Variants in DTNB observed in about 807,000 individuals in gnomAD.
The protein encoded by DTNB is dystrobrevin beta.
DTNB carries 63 observed loss-of-function variants against 90.7 expected under a neutral mutation model. That is an observed-to-expected ratio of 0.69 (90% CI 0.57 to 0.86). DTNB has a LOEUF of 0.86. Among genes scored for constraint, DTNB ranks in the 40% least tolerant of loss-of-function variants. The pLI is 0.00. For synonymous variants in DTNB, 277 were observed against 286.7 expected (o/e 0.97, Z 0.34); for missense variants, 744 against 807.1 (o/e 0.92, Z 0.95).
intron 13 of DTNB, among the ~76,000 whole-genome samples, chr2:25,433,599 A>G (rs1023607638): frequency 3.3e-5 from 5 of 151,940 alleles, no homozygotes; most frequent in African/African-American, 1.2e-4. Context: ...TAGATACAGC[A>G]AAATGTTGCT....
intron 6 of DTNB, among the ~76,000 whole-genome samples, chr2:25,581,092 T>C (rs1211479601): frequency 1.3e-5 from 2 of 151,966 alleles, no homozygotes; most frequent in Non-Finnish European, 2.9e-5. Context: ...CTATATTCAC[T>C]TTACAGATAA....
chr2:25,489,081 A>G (rs967690914), intron 9 of DTNB, among the ~76,000 whole-genome samples: 1 of 152,364 alleles, frequency 6.6e-6, no homozygotes, highest in Non-Finnish European at 1.5e-5. Flanking sequence ...CCTATTACAA[A>G]GCACAAATTG....
chr2:25,429,183 T>G (rs2149912957), intron 14 of DTNB, among the ~76,000 whole-genome samples: 1 of 152,354 alleles, frequency 6.6e-6, no homozygotes, highest in Admixed American at 6.5e-5. Context: ...ATCTGGATCA[T>G]GTTTTAATAC....
At chr2:25,413,420 C>T (rs1341543903) in intron 16 of DTNB, among the ~76,000 whole-genome samples, 1 of 133,702 alleles carries the variant, frequency 7.5e-6, no homozygotes, top group Non-Finnish European at 1.6e-5. Flanking sequence ...CCCCCCTCCC[C>T]CCACCCCACG....
At chr2:25,458,821 A>G (rs985258578) in intron 10 of DTNB, among the ~76,000 whole-genome samples, 2 of 151,912 alleles carry the variant, frequency 1.3e-5, no homozygotes, top group Non-Finnish European at 2.9e-5. Context: ...ACTTTTTTGT[A>G]TTTTTAGTAG....
intron 5 of DTNB, chr2:25,598,743 G>C (rs934312829): frequency 6.6e-6 from 1 of 152,100 alleles, no homozygotes; most frequent in East Asian, 1.9e-4. Flanking sequence ...GGGACTGGGG[G>C]GCACTAAAGA....
intron 8 of DTNB, among the ~76,000 whole-genome samples, chr2:25,553,986 G>A (rs1216839943): frequency 6.6e-6 from 1 of 152,046 alleles, no homozygotes; most frequent in East Asian, 1.9e-4. Flanking sequence ...TTCAACATCA[G>A]TAGACTGACA....
At chr2:25,644,041 C>A (rs2078919349) in intron 2 of DTNB, among the ~76,000 whole-genome samples, 1 of 152,166 alleles carries the variant, frequency 6.6e-6, no homozygotes, top group South Asian at 2.1e-4. Context: ...GCCATGACAA[C>A]ATCAGGAAGT....
Position 25,576,987 on chromosome 2 carries a change from A to G in DTNB, c.727T>C (p.Cys243Arg). ...HVENVFHPVE[C>R]SYCRCESMMG... ...ATACTCTCACATCGGCAGTAGGAGC[A>G]CTCCACGGGATGGAAGACTTGTGGA... Residue 243 changes from cysteine (C) to arginine (R), a missense_variant, in exon 8 of 21, where the codon TGC (cysteine) becomes CGC (arginine). Physicochemically the swap from Cys to Arg is radical, Grantham distance 180. Transcript: ENST00000406818. 6.2e-7 allele frequency: 1 copy of G among 1,608,374 alleles called. No homozygotes were observed. Among genetic ancestry groups the G allele is most frequent in the South Asian group, 1.1e-5 (1 of 89,848 alleles).
chr2:25,488,424 G>A (rs957362166), intron 9 of DTNB, among the ~76,000 whole-genome samples: 14 of 152,122 alleles, frequency 9.2e-5, no homozygotes, highest in African/African-American at 2.9e-4. Context: ...AGGAGGGATG[G>A]GTAGACAGAA....
intron 6 of DTNB, among the ~76,000 whole-genome samples, chr2:25,581,658 A>G (rs1306269178): frequency 6.6e-6 from 1 of 152,280 alleles, no homozygotes; most frequent in African/African-American, 2.4e-5. Context: ...AAATAGAGTT[A>G]TATGATATAG....
rs2060763122 is a variant in DTNB, at chr2:25,576,881, C to A, written c.833G>T (p.Gly278Val). Residue 278 changes from glycine (G) to valine (V), a missense_variant, in exon 8 of 21, where the codon GGC becomes GTC. Gly to Val is a moderately radical substitution (Grantham distance 109). Coordinates refer to ENST00000406818, the MANE Select transcript of DTNB (RefSeq NM_021907.5). The stretch of plus-strand genomic sequence containing the variant: ...CATCTGGTGCTGGTTGCTGTGAGGG[C>A]CGCCGGCATGGCCACGCCAAAAGCA... ...QNCFWRGHAG[G>V]PHSNQHQMKE... The A allele has an allele frequency of 6.2e-7, 1 of 1,613,034 alleles. No individual in the cohort carries two copies. The highest frequency in any genetic ancestry group is 1.7e-5 in the Admixed American group (1 of 59,874).
chr2:25,536,523 G>A (rs941555667), intron 8 of DTNB, among the ~76,000 whole-genome samples: 14 of 152,286 alleles, frequency 9.2e-5, no homozygotes, highest in Admixed American at 4.6e-4. Flanking sequence ...TCAACACGGC[G>A]AAACCCCGTC....
chr2:25,431,207 T>TA (rs1472721990), intron 14 of DTNB, among the ~76,000 whole-genome samples: 2 of 150,280 alleles, frequency 1.3e-5, no homozygotes, highest in Non-Finnish European at 3.0e-5. Flanking sequence ...CTTCTAGAAT[T>TA]TTTTTTTTTT....
intron 8 of DTNB, among the ~76,000 whole-genome samples, chr2:25,550,148 T>A (rs1174194051): frequency 6.6e-6 from 1 of 152,062 alleles, no homozygotes; most frequent in Non-Finnish European, 1.5e-5. Flanking sequence ...TCCCAGCACT[T>A]TGGGAGGCCA....
intron 2 of DTNB, among the ~76,000 whole-genome samples, chr2:25,649,467 C>A (rs934522710): frequency 6.6e-6 from 1 of 152,176 alleles, no homozygotes; most frequent in Non-Finnish European, 1.5e-5. Context: ...GTAATCCCAG[C>A]GTTTTGGGAG....
rs2068831313 is a variant in DTNB at position 25,496,324 on chromosome 2, T to C, written c.1002-13451A>G. ...TTCATTAAACTTAGGAAGTTGTTCC[T>C]ACTTTATGTAGATGCTAAGTCCTGT... is the stretch of plus-strand genomic sequence containing the variant. On this transcript the variant is annotated intron_variant, in intron 9 of 20. Coordinates refer to ENST00000406818, the MANE Select transcript of DTNB (RefSeq NM_021907.5). Among the ~76,000 whole-genome samples, 4 of 152,340 alleles carry C rather than the reference T, an allele frequency of 2.6e-5. No homozygotes were observed. The South Asian group carries it at 8.3e-4, about 32-fold the overall frequency.
chr2:25,484,876 T>C (rs1045151005), intron 9 of DTNB, among the ~76,000 whole-genome samples: 1 of 152,244 alleles, frequency 6.6e-6, no homozygotes, highest in Non-Finnish European at 1.5e-5. Flanking sequence ...TGCTGAGTTA[T>C]AGTCAATTAA....
Position 25,634,638 on chromosome 2 carries a change from T to G in DTNB, c.148+4376A>C, listed in dbSNP as rs1042533285. The stretch of plus-strand genomic sequence containing the variant: ...AAGGGGGGAAAGGTGGGGAAAAGAT[T>G]GAGAGGTTGGATGGTTGCCGTGTCT... On this transcript the variant is annotated intron_variant, in intron 3 of 20. Transcript: ENST00000406818. Among the ~76,000 whole-genome samples the G allele has an allele frequency of 8.8e-5, 10 of 113,028 alleles. 3 individuals carry two copies. The highest frequency in any genetic ancestry group is 1.5e-4 in the Non-Finnish European group (7 of 47,804). The allele number at this position is 113,028 out of a possible 152,430, so 74.2% of individuals were successfully genotyped here.
Sources: gnomAD v4.1 joint callset for allele counts (sites outside exome capture counted in the v4.1 genomes callset) on GRCh38, gnomAD v4.1.1 for gene constraint, MANE v1.5 for transcripts, NCBI Gene and HGNC (gene_info 2026-07-23, HGNC 2026-07-21) for gene names.